RAP1GDS1: variants seen among roughly 807,000 people sequenced by gnomAD.
RAP1GDS1 encodes Rap1 GTPase-GDP dissociation stimulator 1, also known as RAP1, GTP-GDP dissociation stimulator 1.
RAP1GDS1 carries 35 observed loss-of-function variants against 71.1 expected under a neutral mutation model. The ratio of observed to expected loss-of-function variants is 0.49; its 90% CI spans 0.38 to 0.65. RAP1GDS1 has a LOEUF of 0.65. Ranked by LOEUF, RAP1GDS1 falls within the 30% of genes least tolerant of loss-of-function variation. The pLI, the probability that RAP1GDS1 is intolerant of heterozygous loss-of-function variation, is 0.00. For synonymous variants in RAP1GDS1, 229 were observed against 243.1 expected (o/e 0.94, Z 0.54); for missense variants, 663 against 706.1 (o/e 0.94, Z 0.69).
intron 2 of RAP1GDS1, among the ~76,000 whole-genome samples, chr4:98,335,197 G>A (rs10006734): frequency 0.046 from 6,959 of 152,012 alleles, 393 homozygotes; most frequent in African/African-American, 0.13. Context: ...ATTCTGTCAG[G>A]GTATGTCAGG....
intron 1 of RAP1GDS1, among the ~76,000 whole-genome samples, chr4:98,276,511 A>G (rs1724223160): frequency 6.6e-6 from 1 of 151,696 alleles, no homozygotes; most frequent in Non-Finnish European, 1.5e-5. Flanking sequence ...ATTGAGTAAA[A>G]GAGAATATTT....
At chr4:98,281,370 A>G (rs1419753607) in intron 1 of RAP1GDS1, among the ~76,000 whole-genome samples, 8 of 152,246 alleles carry the variant, frequency 5.3e-5, no homozygotes, top group South Asian at 2.1e-4. Context: ...TTCTCTTTGA[A>G]GCAATTGTGA....
At chr4:98,279,555 C>G (rs189165802) in intron 1 of RAP1GDS1, among the ~76,000 whole-genome samples, 204 of 151,088 alleles carry the variant, frequency 1.4e-3, no homozygotes, top group African/African-American at 4.8e-3. Flanking sequence ...TTTATATATA[C>G]TTACATGTAT....
At chr4:98,340,834 A>T (rs1294058444) in intron 2 of RAP1GDS1, among the ~76,000 whole-genome samples, 1 of 152,072 alleles carries the variant, frequency 6.6e-6, no homozygotes, top group East Asian at 1.9e-4. Context: ...GTACATATGG[A>T]TACAATGAAG....
chr4:98,331,017 T>C (rs1733925980), intron 2 of RAP1GDS1, among the ~76,000 whole-genome samples: 1 of 152,062 alleles, frequency 6.6e-6, no homozygotes, highest in African/African-American at 2.4e-5. Context: ...CATTGAGCAC[T>C]GAGTGAGCGA....
At chr4:98,317,291 A>C (rs1236398802) in intron 2 of RAP1GDS1, among the ~76,000 whole-genome samples, 1 of 152,132 alleles carries the variant, frequency 6.6e-6, no homozygotes, top group African/African-American at 2.4e-5. Flanking sequence ...TATTAGGGAG[A>C]TCTAAGCAAT....
intron 2 of RAP1GDS1, among the ~76,000 whole-genome samples, chr4:98,329,254 ATACTT>A (rs1445907892): frequency 3.3e-5 from 5 of 152,254 alleles, no homozygotes; most frequent in African/African-American, 1.2e-4. Context: ...TCATAAAAGT[ATACTT>A]TATTAAATTG....
intron 12 of RAP1GDS1, among the ~76,000 whole-genome samples, chr4:98,422,416 C>T (rs567070521): frequency 6.6e-6 from 1 of 152,082 alleles, no homozygotes; most frequent in African/African-American, 2.4e-5. Context: ...TGGGGTTTCA[C>T]CATGTTGGCC....
At chr4:98,280,802 G>A (rs1245173763) in intron 1 of RAP1GDS1, among the ~76,000 whole-genome samples, 2 of 137,714 alleles carry the variant, frequency 1.5e-5, no homozygotes, top group Non-Finnish European at 3.2e-5. Context: ...TGTAAGGAAG[G>A]GATCCAGTTT....
rs1480158213 is a variant in RAP1GDS1 at position 98,321,572 on chromosome 4, C to T, written c.113-21567C>T. Among the ~76,000 whole-genome samples, 13 of 151,366 alleles carry T rather than the reference C, an allele frequency of 8.6e-5. No homozygotes were observed. The South Asian group carries it at 1.5e-3, about 17-fold the overall frequency. ...AGCCCATCAGACTAACAGCGGATCTCTCGGCAGAAACCCTACAAGCCAGAA... is the reference window on the plus strand; with the variant it reads ...AGCCCATCAGACTAACAGCGGATCTTTCGGCAGAAACCCTACAAGCCAGAA... On this transcript the variant is annotated intron_variant, in intron 2 of 14. Transcript: ENST00000408927.
intron 4 of RAP1GDS1, among the ~76,000 whole-genome samples, chr4:98,371,438 A>G (rs1702331975): frequency 6.6e-6 from 1 of 151,706 alleles, no homozygotes; most frequent in African/African-American, 2.4e-5. Context: ...TTTTGTTGTT[A>G]TGTAATGTCC....
intron 2 of RAP1GDS1, among the ~76,000 whole-genome samples, chr4:98,331,224 G>C (rs1733960101): frequency 6.6e-6 from 1 of 152,166 alleles, no homozygotes; most frequent in Non-Finnish European, 1.5e-5. Context: ...CAGGGAGGTT[G>C]CAGTGAGCCG....
chr4:98,309,538 AG>A (rs895461669), intron 2 of RAP1GDS1, among the ~76,000 whole-genome samples: 2 of 152,020 alleles, frequency 1.3e-5, no homozygotes, highest in African/African-American at 4.8e-5. Context: ...CAAAATAGAG[AG>A]TAAAAGATTA....
intron 1 of RAP1GDS1, among the ~76,000 whole-genome samples, chr4:98,280,143 C>T (rs1724842421): frequency 1.3e-5 from 2 of 152,164 alleles, no homozygotes; most frequent in South Asian, 4.1e-4. Context: ...ATTGCTGGGT[C>T]AAATGATATT....
intron 1 of RAP1GDS1, among the ~76,000 whole-genome samples, chr4:98,284,072 C>T (rs189704563): frequency 3.1e-4 from 47 of 152,182 alleles, no homozygotes; most frequent in Non-Finnish European, 2.9e-5. Flanking sequence ...TCTGGATTTA[C>T]CCAACTTTGG....
chr4:98,359,048 T>C (rs1738349464), intron 4 of RAP1GDS1, among the ~76,000 whole-genome samples: 1 of 152,100 alleles, frequency 6.6e-6, no homozygotes, highest in Non-Finnish European at 1.5e-5. Flanking sequence ...GCAGCAGGCA[T>C]ACACATAAAA....
At chr4:98,310,545 A>T (rs1023198509) in intron 2 of RAP1GDS1, among the ~76,000 whole-genome samples, 14 of 152,174 alleles carry the variant, frequency 9.2e-5, no homozygotes, top group African/African-American at 3.1e-4. Flanking sequence ...TTGATTTTTG[A>T]TTGAATTCGT....
Position 98,350,603 on chromosome 4 carries a change from G to A in RAP1GDS1, c.236-1873G>A, listed in dbSNP as rs533082374. Among the ~76,000 whole-genome samples, 4 of 152,250 alleles carry A rather than the reference G, an allele frequency of 2.6e-5. No homozygotes were observed. In the East Asian group the frequency reaches 7.7e-4, roughly 29 times the overall value. On this transcript the variant is annotated intron_variant, in intron 3 of 14. Coordinates refer to ENST00000408927, the MANE Select transcript of RAP1GDS1 (RefSeq NM_001100427.2). ...GGCTGTAATCTCAGCACTTTGGGAG[G>A]CCAAGGCAGGTGGATCACGAGGTCA...
Position 98,392,097 on chromosome 4 carries a change from A to G in RAP1GDS1, c.637+17A>G. On this transcript the variant is annotated intron_variant, in intron 6 of 14. Coordinates refer to ENST00000408927, the MANE Select transcript of RAP1GDS1 (RefSeq NM_001100427.2). ...CAGAACTTGGTAAGTCTTAGTCATG[A>G]ACCACAAATGTAATTAACTTATTAA... 2 of 1,599,680 alleles carry G rather than the reference A, an allele frequency of 1.3e-6. No homozygotes were observed. The highest frequency in any genetic ancestry group is 1.7e-5 in the Admixed American group (1 of 58,402).
Sources: gnomAD v4.1 joint callset for allele counts (sites outside exome capture counted in the v4.1 genomes callset) on GRCh38, gnomAD v4.1.1 for gene constraint, MANE v1.5 for transcripts, NCBI Gene and HGNC (gene_info 2026-07-23, HGNC 2026-07-21) for gene names.